NUDT21: variants seen among roughly 807,000 people sequenced by gnomAD.
NUDT21 encodes the protein nudix hydrolase 21.
In NUDT21, 5 loss-of-function variants were observed where a neutral mutation model predicts 29.8. That is an observed-to-expected ratio of 0.17 (90% CI 0.09 to 0.35). The LOEUF (loss-of-function observed/expected upper bound fraction) is 0.35, where lower values mean the gene tolerates loss of function less well. Among genes scored for constraint, NUDT21 ranks in the 10% least tolerant of loss-of-function variants. The probability of loss-of-function intolerance (pLI) is 1.00; values close to 1 mark genes in which losing one functional copy is unlikely to be tolerated. For synonymous variants in NUDT21, 113 were observed against 98.5 expected (o/e 1.15, Z -0.87); for missense variants, 76 against 276.0 (o/e 0.28, Z 5.13).
chr16:56,434,814 C>T lies in NUDT21; in HGVS notation c.487G>A (p.Ala163Thr). Residue 163 changes from alanine (A) to threonine (T), a missense_variant, in exon 5 of 7, where the codon GCA (alanine) becomes ACA (threonine). Ala to Thr is a moderately conservative substitution (Grantham distance 58, BLOSUM62 0). Coordinates refer to ENST00000300291, the MANE Select transcript of NUDT21 (RefSeq NM_007006.3). ...TGTTCCTTAGGCTTTGTAATATGTG[C>T]AGGAATATATGGATACTGAAATTAC... is the stretch of plus-strand genomic sequence containing the variant. ...FEPPQYPYIP[A>T]HITKPKEHKK... is the part of the protein sequence containing the mutation. 6.3e-7 allele frequency: 1 copy of T among 1,584,618 alleles called. No individual in the cohort carries two copies. Among genetic ancestry groups the T allele is most frequent in the Non-Finnish European group, 8.7e-7 (1 of 1,155,842 alleles).
intron 2 of NUDT21, among the ~76,000 whole-genome samples, chr16:56,447,396 G>A (rs980728817): frequency 3.3e-5 from 5 of 152,186 alleles, no homozygotes; most frequent in African/African-American, 4.8e-5. Flanking sequence ...AGATGTAGGA[G>A]CTTAAATGAT....
At chr16:56,434,531 TA>T in intron 5 of NUDT21, 86 bp from the exon 6 acceptor site, 1 of 857,336 alleles carries the variant, frequency 1.2e-6, no homozygotes, top group African/African-American at 1.7e-5. Context: ...TTACATTTAA[TA>T]AAAAGTGTAA....
chr16:56,441,388 C>A (rs1596955924), intron 3 of NUDT21, among the ~76,000 whole-genome samples: 1 of 152,254 alleles, frequency 6.6e-6, no homozygotes, highest in East Asian at 1.9e-4. Context: ...AGGTGCCCGC[C>A]ACCACACCCA....
intron 4 of NUDT21, 54 bp from the exon 5 acceptor site, chr16:56,434,883 T>C: frequency 9.6e-7 from 1 of 1,044,468 alleles, no homozygotes; most frequent in Non-Finnish European, 1.5e-6. Context: ...TTCATTTCTT[T>C]ACATGTTTAC....
At chr16:56,444,355 A>G (rs1390959794) in intron 3 of NUDT21, among the ~76,000 whole-genome samples, 2 of 152,158 alleles carry the variant, frequency 1.3e-5, no homozygotes, top group Non-Finnish European at 2.9e-5. Context: ...AGGCCAAAGC[A>G]GGCAGATCAC....
At chr16:56,434,016 C>T (rs1004401022) in intron 6 of NUDT21, among the ~76,000 whole-genome samples, 3 of 152,302 alleles carry the variant, frequency 2.0e-5, no homozygotes, top group African/African-American at 4.8e-5. Flanking sequence ...CAGACAACTC[C>T]GCTCATATTT....
intron 4 of NUDT21, 60 bp downstream of exon 4, chr16:56,439,597 G>C (rs1962138940): frequency 1.9e-6 from 2 of 1,061,658 alleles, no homozygotes; most frequent in Non-Finnish European, 2.9e-6. Flanking sequence ...TTTTAAAGTG[G>C]CTAGAATTAA....
intron 1 of NUDT21, among the ~76,000 whole-genome samples, chr16:56,448,675 T>C (rs778653675): frequency 1.3e-5 from 2 of 152,216 alleles, no homozygotes; most frequent in Non-Finnish European, 2.9e-5. Context: ...TAATTTAAAA[T>C]ATGGCTCAAA....
At chr16:56,436,566 C>T (rs1170416283) in intron 4 of NUDT21, among the ~76,000 whole-genome samples, 1 of 152,194 alleles carries the variant, frequency 6.6e-6, no homozygotes, top group African/African-American at 2.4e-5. Context: ...GATACATTAA[C>T]AGTCACAGAG....
chr16:56,442,672 A>G (rs1208743080), intron 3 of NUDT21, among the ~76,000 whole-genome samples: 1 of 152,216 alleles, frequency 6.6e-6, no homozygotes, highest in African/African-American at 2.4e-5. Flanking sequence ...CTCAATCTCA[A>G]AACTCATGCC....
chr16:56,439,494 T>C, intron 4 of NUDT21, 163 bp downstream of exon 4: 1 of 657,820 alleles, frequency 1.5e-6, no homozygotes, highest in Non-Finnish European at 2.7e-6. Context: ...GTTTTACATT[T>C]TCCTTTAAAA....
At chr16:56,444,173 A>T (rs1185921804) in intron 3 of NUDT21, among the ~76,000 whole-genome samples, 1 of 152,112 alleles carries the variant, frequency 6.6e-6, no homozygotes, top group Non-Finnish European at 1.5e-5. Flanking sequence ...AGTCCTAGCT[A>T]CTCAGGAAGC....
chr16:56,449,012 C>A (rs1313513195), intron 1 of NUDT21, among the ~76,000 whole-genome samples: 1 of 152,086 alleles, frequency 6.6e-6, no homozygotes, highest in Non-Finnish European at 1.5e-5. Flanking sequence ...TAAAATATAC[C>A]ATTCCAGGAT....
chr16:56,433,892 G>A (rs113104152), intron 6 of NUDT21, among the ~76,000 whole-genome samples: 10 of 152,086 alleles, frequency 6.6e-5, no homozygotes, highest in African/African-American at 2.4e-4. Context: ...TCACCATCTT[G>A]GCCAGACTGG....
At chr16:56,432,799 T>C in intron 6 of NUDT21, 66 bp from the exon 7 acceptor site, 2 of 1,193,600 alleles carry the variant, frequency 1.7e-6, no homozygotes, top group Non-Finnish European at 1.2e-6. Flanking sequence ...ATTAGATAAA[T>C]AAATTTATCT....
Position 56,451,262 on chromosome 16 carries a change from G to C in NUDT21, c.-60C>G. ...GTGGCAGGCAGGGTAGACTTTCCCC[G>C]TGCGGGAAGCGGTTATCTGCAATCC... is the stretch of plus-strand genomic sequence containing the variant. On this transcript the variant is annotated 5_prime_UTR_variant, in exon 1 of 7. Coordinates refer to ENST00000300291, the MANE Select transcript of NUDT21 (RefSeq NM_007006.3). 1 of 1,318,402 alleles carries C rather than the reference G, an allele frequency of 7.6e-7. No individual in the cohort carries two copies. Among genetic ancestry groups the C allele is most frequent in the Non-Finnish European group, 1.1e-6 (1 of 947,764 alleles). 81.7% of individuals were successfully genotyped at this position (1,318,402 alleles called of 1,614,324 possible). A position where few individuals can be genotyped will look rare whatever the true frequency, so the allele number is the denominator to read the frequency against.
chr16:56,442,412 T>A (rs1344565275), intron 3 of NUDT21, among the ~76,000 whole-genome samples: 2 of 152,220 alleles, frequency 1.3e-5, no homozygotes, highest in Non-Finnish European at 2.9e-5. Context: ...GAGATTATAT[T>A]CTCTCAAAAT....
intron 4 of NUDT21, among the ~76,000 whole-genome samples, chr16:56,437,461 G>T (rs768312916): frequency 5.3e-5 from 8 of 152,166 alleles, no homozygotes; most frequent in Non-Finnish European, 1.0e-4. Context: ...ACTGAAACAT[G>T]CTTTTTGTGT....
intron 4 of NUDT21, among the ~76,000 whole-genome samples, chr16:56,437,675 C>T (rs1962118401): frequency 6.6e-6 from 1 of 152,072 alleles, no homozygotes; most frequent in African/African-American, 2.4e-5. Flanking sequence ...TCCAGTTGCC[C>T]ACAGGTGTAA....
Sources: allele counts gnomAD v4.1 joint callset (sites outside exome capture counted in the v4.1 genomes callset), GRCh38; gene constraint gnomAD v4.1.1; transcripts MANE v1.5; gene names NCBI Gene and HGNC (gene_info 2026-07-23, HGNC 2026-07-21).